LMNTD1: variants seen among roughly 807,000 people sequenced by gnomAD.
LMNTD1 encodes the protein lamin tail domain containing 1.
In LMNTD1, 35 loss-of-function variants were observed where a neutral mutation model predicts 50.9. The observed-to-expected ratio is 0.69, with a 90% CI of 0.53 to 0.91. The LOEUF is 0.91. Among genes scored for constraint, LMNTD1 ranks in the 40% least tolerant of loss-of-function variants. The probability of loss-of-function intolerance (pLI) is 0.00; values close to 1 mark genes in which losing one functional copy is unlikely to be tolerated. For synonymous variants in LMNTD1, 153 were observed against 161.9 expected, an observed-to-expected ratio of 0.94 and a Z score of 0.42; for missense variants, 470 against 475.5, an observed-to-expected ratio of 0.99 and a Z score of 0.11.
rs935799137 is a variant in LMNTD1, at chr12:25,621,562, A to T, written c.58+26932T>A. Among the ~76,000 whole-genome samples, 4 of 152,228 alleles carry T rather than the reference A, an allele frequency of 2.6e-5. No individual in the cohort carries two copies. In the South Asian group the frequency reaches 8.3e-4, roughly 31 times the overall value. Reference sequence around the variant, plus strand: ...ATGCTGTGCCTTAGATCCCTAAAACATGTTTATATTATATCTGAAAGTTTG... The same window carrying T: ...ATGCTGTGCCTTAGATCCCTAAAACTTGTTTATATTATATCTGAAAGTTTG... On this transcript the variant is annotated intron_variant, in intron 1 of 7. Coordinates refer to the LMNTD1 transcript ENST00000445693.
At chr12:25,562,841 ACTCTTTTTT>A (rs956400128) in intron 1 of LMNTD1, among the ~76,000 whole-genome samples, 37 of 151,434 alleles carry the variant, frequency 2.4e-4, no homozygotes, top group Non-Finnish European at 4.9e-4. Flanking sequence ...ATTTCTTTTT[ACTCTTTTTT>A]CTCTAAACTT....
chr12:25,549,616 G>A lies in LMNTD1; in HGVS notation c.90-70C>T, dbSNP rs766087553. ...AAGTGGCTGTGAATAAAAGAAGCAT[G>A]GGCTATTATTATTACCCAGAATTCT... On this transcript the variant is annotated intron_variant, in intron 2 of 9. Coordinates refer to ENST00000458174, the MANE Select transcript of LMNTD1 (RefSeq NM_001145728.2). 35 of 813,990 alleles carry A rather than the reference G, an allele frequency of 4.3e-5. No homozygotes were observed. In the East Asian group the frequency reaches 8.7e-4, roughly 20 times the overall value. The allele number at this position is 813,990 out of a possible 1,614,324, so 50.4% of individuals were successfully genotyped here. A position where few individuals can be genotyped will look rare whatever the true frequency, so the allele number is the denominator to read the frequency against.
chr12:25,603,624 A>G (rs1052573341), intron 1 of LMNTD1, among the ~76,000 whole-genome samples: 2 of 152,064 alleles, frequency 1.3e-5, no homozygotes, highest in South Asian at 4.1e-4. Context: ...AAGAAATTCT[A>G]TTATACTAGG....
chr12:25,523,418 T>A (rs1464411601), intron 6 of LMNTD1, among the ~76,000 whole-genome samples: 1 of 152,194 alleles, frequency 6.6e-6, no homozygotes, highest in Admixed American at 6.5e-5. Context: ...CAGAAACAGG[T>A]TCTATTCTGA....
At chr12:25,555,323 A>G (rs887315940), upstream of LMNTD1, among the ~76,000 whole-genome samples, 4 of 152,202 alleles carry the variant, frequency 2.6e-5, no homozygotes, top group Admixed American at 6.5e-5. Context: ...TGGACAGAGA[A>G]TAACAGTAGC....
chr12:25,632,678 A>G (rs1946746154), intron 1 of LMNTD1, among the ~76,000 whole-genome samples: 1 of 152,206 alleles, frequency 6.6e-6, no homozygotes, highest in Non-Finnish European at 1.5e-5. Context: ...CTGGAAACAC[A>G]TCAAAACAGA....
intron 1 of LMNTD1, among the ~76,000 whole-genome samples, chr12:25,605,647 A>C (rs1464343995): frequency 6.6e-6 from 1 of 152,154 alleles, no homozygotes; most frequent in Non-Finnish European, 1.5e-5. Flanking sequence ...AAGATCAGAT[A>C]GTTGTAGATA....
chr12:25,626,238 T>C (rs912514807), intron 1 of LMNTD1, among the ~76,000 whole-genome samples: 3 of 152,178 alleles, frequency 2.0e-5, no homozygotes, highest in African/African-American at 7.2e-5. Context: ...AGATGCTGTG[T>C]CTAGACCCAG....
At chr12:25,508,221 C>T (rs1033584696) in intron 8 of LMNTD1, among the ~76,000 whole-genome samples, 1 of 152,122 alleles carries the variant, frequency 6.6e-6, no homozygotes, top group Non-Finnish European at 1.5e-5. Context: ...GTAAACACCA[C>T]TTGGATCAAG....
chr12:25,594,604 G>A (rs1242199307), intron 1 of LMNTD1, among the ~76,000 whole-genome samples: 2 of 120,604 alleles, frequency 1.7e-5, no homozygotes, highest in African/African-American at 6.4e-5. Flanking sequence ...CATCCAAACA[G>A]CACATCTTTA....
At chr12:25,597,871 A>G (rs1476767028) in intron 1 of LMNTD1, among the ~76,000 whole-genome samples, 1 of 152,156 alleles carries the variant, frequency 6.6e-6, no homozygotes, top group African/African-American at 2.4e-5. Context: ...TACATGTGAT[A>G]TGGTTTGGCT....
chr12:25,612,331 C>CGT (rs1555122461), intron 1 of LMNTD1, among the ~76,000 whole-genome samples: 1 of 151,564 alleles, frequency 6.6e-6, no homozygotes, highest in Non-Finnish European at 1.5e-5. Context: ...CACACACACG[C>CGT]GCTCCCACTG....
intron 1 of LMNTD1, among the ~76,000 whole-genome samples, chr12:25,570,155 T>C (rs1026583762): frequency 6.6e-6 from 1 of 152,234 alleles, no homozygotes; most frequent in Admixed American, 6.5e-5. Context: ...GGCAATTGAA[T>C]AGATACTCTA....
intron 1 of LMNTD1, among the ~76,000 whole-genome samples, chr12:25,629,437 C>A (rs765070151): frequency 2.0e-5 from 3 of 152,164 alleles, no homozygotes; most frequent in Admixed American, 6.5e-5. Context: ...TCCTAATCAG[C>A]CCGAATCCAA....
intron 9 of LMNTD1, among the ~76,000 whole-genome samples, chr12:25,492,963 CCCAGTGTGTT>C (rs1938934786): frequency 6.6e-6 from 1 of 152,286 alleles, no homozygotes; most frequent in East Asian, 1.9e-4. Flanking sequence ...CTTAAAGCTG[CCCAGTGTGTT>C]CCATGTATTT....
chr12:25,611,503 A>G (rs1402209862), intron 1 of LMNTD1, among the ~76,000 whole-genome samples: 1 of 152,198 alleles, frequency 6.6e-6, no homozygotes, highest in Non-Finnish European at 1.5e-5. Flanking sequence ...CTGAGTTCAG[A>G]TGGTTAAGTT....
At chr12:25,587,150 A>T (rs1411650992) in intron 1 of LMNTD1, among the ~76,000 whole-genome samples, 1 of 152,096 alleles carries the variant, frequency 6.6e-6, no homozygotes, top group Non-Finnish European at 1.5e-5. Flanking sequence ...GAGTGAATTT[A>T]TCTCTCCTCT....
intron 1 of LMNTD1, among the ~76,000 whole-genome samples, chr12:25,609,271 C>T (rs756983908): frequency 2.6e-5 from 4 of 152,156 alleles, no homozygotes; most frequent in Non-Finnish European, 5.9e-5. Flanking sequence ...TTCGAACATC[C>T]TCCTTTAGCT....
intron 8 of LMNTD1, among the ~76,000 whole-genome samples, chr12:25,511,401 A>G (rs1023048833): frequency 6.6e-6 from 1 of 152,134 alleles, no homozygotes; most frequent in Non-Finnish European, 1.5e-5. Context: ...TCACTTATAT[A>G]AGGAAAATCA....
Sources: allele counts gnomAD v4.1 joint callset (sites outside exome capture counted in the v4.1 genomes callset), GRCh38; gene constraint gnomAD v4.1.1; transcripts MANE v1.5; gene names NCBI Gene and HGNC (gene_info 2026-07-23, HGNC 2026-07-21).